PPM1K: variants seen among roughly 807,000 people sequenced by gnomAD.
PPM1K encodes the protein protein phosphatase Mn(2+)-dependent 1K.
Under a neutral mutation model 32.6 loss-of-function variants are expected in PPM1K, and 19 were observed. That is an observed-to-expected ratio of 0.58 (90% CI 0.41 to 0.86). The LOEUF is 0.86. Ranked by LOEUF, PPM1K falls within the 40% of genes least tolerant of loss-of-function variation. The pLI, the probability that PPM1K is intolerant of heterozygous loss-of-function variation, is 0.00. For synonymous variants in PPM1K, 159 were observed against 165.3 expected (o/e 0.96, Z 0.29); for missense variants, 362 against 461.2 (o/e 0.78, Z 1.97).
chr4:88,277,084 T>C, intron 3 of PPM1K, 59 bp downstream of exon 3: 2 of 1,316,028 alleles, frequency 1.5e-6, no homozygotes, highest in African/African-American at 1.5e-5. Context: ...GTTTCCTTTT[T>C]ACTCCTCCCC....
chr4:88,271,248 A>G (rs1377827245), intron 3 of PPM1K: 7 of 390,374 alleles, frequency 1.8e-5, no homozygotes, highest in Non-Finnish European at 3.5e-5. Flanking sequence ...TTGTGCTCAA[A>G]CATTACAAAC....
Position 88,259,156 on chromosome 4 carries a change from C to T in PPM1K, c.*3439G>A, listed in dbSNP as rs1167695279. ...TGGCACGCGCCTGTAGTCCCAGCTA[C>T]TCAGGAGGCTGAGGCAGAAGAATCG... On this transcript the variant is annotated 3_prime_UTR_variant, in exon 7 of 7. Transcript: ENST00000608933. 6.6e-6 allele frequency: 1 copy of T among 151,162 alleles called. No homozygotes were observed. Among genetic ancestry groups the T allele is most frequent in the Non-Finnish European group, 1.5e-5 (1 of 67,964 alleles). The allele number at this position is 151,162 out of a possible 1,614,324, so 9.4% of individuals were successfully genotyped here.
chr4:88,271,232 C>A (rs1422821685), intron 3 of PPM1K: 4 of 429,316 alleles, frequency 9.3e-6, no homozygotes, highest in South Asian at 5.3e-5. Flanking sequence ...GAATTTCACC[C>A]AGGAATTGTG....
chr4:88,271,136 C>G, intron 3 of PPM1K: 2 of 518,170 alleles, frequency 3.9e-6, no homozygotes, highest in Non-Finnish European at 7.7e-6. Context: ...ACTGAAGCCC[C>G]GCATATAGTG....
rs184790065 is a variant in PPM1K at position 88,258,185 on chromosome 4, A to C, written c.*4410T>G. On this transcript the variant is annotated 3_prime_UTR_variant, in exon 7 of 7. Transcript: ENST00000608933. ...GTATATGAGAACCATGGAGGTGCTA[A>C]AGAAAAATAGAAGCATTTTCTTATT... The C allele has an allele frequency of 4.7e-4, 72 of 152,356 alleles. No homozygotes were observed. Among genetic ancestry groups the C allele is most frequent in the African/African-American group, 1.7e-3 (70 of 41,592 alleles). The allele number at this position is 152,356 out of a possible 1,614,324, so 9.4% of individuals were successfully genotyped here. A position where few individuals can be genotyped will look rare whatever the true frequency, so the allele number is the denominator to read the frequency against.
At chr4:88,277,496 T>C in intron 2 of PPM1K, 1 of 390,572 alleles carries the variant, frequency 2.6e-6, no homozygotes, top group Non-Finnish European at 4.6e-6. Flanking sequence ...ACCACAACCC[T>C]GAGAGGTCGA....
intron 1 of PPM1K, among the ~76,000 whole-genome samples, chr4:88,281,571 T>C (rs1359384930): frequency 1.3e-5 from 2 of 152,190 alleles, no homozygotes; most frequent in Non-Finnish European, 2.9e-5. Flanking sequence ...CAGGCAGTCA[T>C]AGGAAACCAC....
chr4:88,268,155 G>A (rs146181307), intron 5 of PPM1K, 35 bp downstream of exon 5: 5 of 1,608,140 alleles, frequency 3.1e-6, no homozygotes, highest in East Asian at 4.5e-5. Context: ...TTCACTCTCC[G>A]CAGGTTTATC....
At position 88,262,428 on chromosome 4, in the gene PPM1K, C is replaced by G. The variant is rs1020816766; in HGVS notation, c.*167G>C. 3.1e-6 allele frequency: 2 copies of G among 649,144 alleles called. No individual in the cohort carries two copies. Among genetic ancestry groups the G allele is most frequent in the Non-Finnish European group, 5.1e-6 (2 of 391,720 alleles). 40.2% of individuals were successfully genotyped at this position (649,144 alleles called of 1,614,324 possible). ...CACATATATTTATACTGAACATGTA[C>G]AGCGGAACATAAATATGATGAGCAT... On this transcript the variant is annotated 3_prime_UTR_variant, in exon 7 of 7. Transcript: ENST00000608933.
At chr4:88,275,933 A>G (rs1171958849) in intron 3 of PPM1K, 1 of 985,372 alleles carries the variant, frequency 1.0e-6, no homozygotes. Context: ...AAAGGAATGA[A>G]AGAAAAGAAA....
chr4:88,277,162 A>G lies in PPM1K; in HGVS notation c.522T>C (p.His174=), dbSNP rs1244948755. 2 of 1,613,848 alleles carry G rather than the reference A, an allele frequency of 1.2e-6. No homozygotes were observed. Among genetic ancestry groups the G allele is most frequent in the East Asian group, 2.2e-5 (1 of 44,870 alleles). Residue 174 remains histidine, a synonymous_variant, in exon 3 of 7, where the codon CAT becomes CAC. Transcript: ENST00000608933. ...FLEIDKAFSS[H]ARLSADATLL... ...ACATACCATCAGCAGACAGGCGGGC[A>G]TGACTCGAAAAGGCTTTATCTATTT...
At chr4:88,272,239 T>TC (rs1227105988) in intron 3 of PPM1K, among the ~76,000 whole-genome samples, 9 of 152,180 alleles carry the variant, frequency 5.9e-5, no homozygotes, top group Non-Finnish European at 8.8e-5. Flanking sequence ...ATCAATGCTC[T>TC]CTTTTTTTTT....
chr4:88,267,272 T>TTGGGTGCAGGTGATGCTGGCTGAC (rs1201006561), intron 5 of PPM1K, among the ~76,000 whole-genome samples: 4 of 141,800 alleles, frequency 2.8e-5, no homozygotes, highest in Admixed American at 7.1e-5. Flanking sequence ...TGCTGGCTGA[T>TTGGGTGCAGGTGATGCTGGCTGAC]TGGGTGCAGG....
At chr4:88,269,760 C>T (rs1209969469) in intron 3 of PPM1K, among the ~76,000 whole-genome samples, 1 of 152,218 alleles carries the variant, frequency 6.6e-6, no homozygotes, top group Non-Finnish European at 1.5e-5. Context: ...CAGAGCATCC[C>T]ACAAATATGA....
Position 88,278,209 on chromosome 4 carries a change from C to A in PPM1K, c.375G>T (p.Val125=), listed in dbSNP as rs1035174559. ...CTGCAGGTCCACCGTGTCCATCATA[C>A]ACTGCAAAGTACAGGACCTCATCTG... The part of the protein sequence containing the change: ...QLTDEVLYFA[V]YDGHGGPAAA... The change falls in exon 2 of 7, where the codon GTG becomes GTT. Residue 125 remains valine (V), a synonymous_variant. Coordinates refer to ENST00000608933, the MANE Select transcript of PPM1K (RefSeq NM_152542.5). This position sits in a 1 kb window ranked among gnomAD's most constrained non-coding sequence, Gnocchi z 4.2. 6.2e-7 allele frequency: 1 copy of A among 1,614,212 alleles called. No homozygotes were observed. Among genetic ancestry groups the A allele is most frequent in the African/African-American group, 1.3e-5 (1 of 75,060 alleles).
chr4:88,271,306 G>T (rs1428848178), intron 3 of PPM1K: 2 of 214,040 alleles, frequency 9.3e-6, no homozygotes, highest in East Asian at 2.8e-4. Context: ...TAAGGGAAGG[G>T]TTTTTTATTT....
Position 88,268,269 on chromosome 4 carries a change from A to G in PPM1K, c.773T>C (p.Leu258Pro), listed in dbSNP as rs1425149632. The change falls in exon 5 of 7, where the codon CTT (leucine) becomes CCT (proline). Residue 258 changes from leucine to proline, a missense_variant. By Grantham distance (98) the Leu-to-Pro change is moderately conservative (BLOSUM62 -3). Coordinates refer to ENST00000608933, the MANE Select transcript of PPM1K (RefSeq NM_152542.5). ...SLGQPHVNGR[L>P]AMTRSIGDLD... ...ATCTCCAATACTTCTTGTCATTGCA[A>G]GCCTGCCATTTACGTGAGGCTGCCC... The G allele has an allele frequency of 6.2e-7, 1 of 1,614,116 alleles. No individual in the cohort carries two copies. Among genetic ancestry groups the G allele is most frequent in the East Asian group, 2.2e-5 (1 of 44,870 alleles).
chr4:88,280,499 T>A (rs1279193582), intron 1 of PPM1K, among the ~76,000 whole-genome samples: 3 of 152,198 alleles, frequency 2.0e-5, no homozygotes, highest in Admixed American at 6.5e-5. Flanking sequence ...ACCCGGTGGC[T>A]CACACTTGTA....
At chr4:88,282,498 T>C (rs927649752) in intron 1 of PPM1K, among the ~76,000 whole-genome samples, 1 of 152,236 alleles carries the variant, frequency 6.6e-6, no homozygotes, top group Non-Finnish European at 1.5e-5. Context: ...TATTTACCTA[T>C]CGACCTTTTT....
Sources: gnomAD v4.1 joint callset for allele counts (sites outside exome capture counted in the v4.1 genomes callset) on GRCh38, gnomAD v4.1.1 for gene constraint, Gnocchi (gnomAD v3.1) non-coding constraint, MANE v1.5 for transcripts, NCBI Gene and HGNC (gene_info 2026-07-23, HGNC 2026-07-21) for gene names.